Variants in CDH13 observed in about 807,000 individuals in gnomAD.
CDH13 encodes cadherin 13.
In CDH13, 24 loss-of-function variants were observed where a neutral mutation model predicts 63.8. That is an observed-to-expected ratio of 0.38 (90% CI 0.27 to 0.53). CDH13 has a LOEUF of 0.53. Among genes scored for constraint, CDH13 ranks in the 20% least tolerant of loss-of-function variants. The pLI, the probability that CDH13 is intolerant of heterozygous loss-of-function variation, is 0.85. For synonymous variants in CDH13, 503 were observed against 355.3 expected, an observed-to-expected ratio of 1.42 and a Z score of -4.67; for missense variants, 1,049 against 903.1, an observed-to-expected ratio of 1.16 and a Z score of -2.07.
At chr16:83,597,708 A>G (rs762534482) in intron 7 of CDH13, among the ~76,000 whole-genome samples, 11 of 152,260 alleles carry the variant, frequency 7.2e-5, no homozygotes, top group Non-Finnish European at 1.0e-4. Flanking sequence ...GTTTATCTAC[A>G]TAACAGTCTA....
intron 2 of CDH13, among the ~76,000 whole-genome samples, chr16:82,951,870 C>G (rs946812063): frequency 6.6e-6 from 1 of 152,152 alleles, no homozygotes; most frequent in East Asian, 1.9e-4. Flanking sequence ...ATTTCTTTCC[C>G]AGGAGCCACA....
intron 8 of CDH13, among the ~76,000 whole-genome samples, chr16:83,663,932 G>C (rs911974424): frequency 6.6e-6 from 1 of 151,858 alleles, no homozygotes; most frequent in African/African-American, 2.4e-5. Flanking sequence ...GGCCAAGGCA[G>C]GAAGATCACT....
intron 1 of CDH13, among the ~76,000 whole-genome samples, chr16:82,686,513 A>G (rs1026522303): frequency 1.3e-5 from 2 of 152,232 alleles, no homozygotes; most frequent in African/African-American, 2.4e-5. Flanking sequence ...AGTGCGATGC[A>G]TGGGTCACAG....
Position 83,459,085 on chromosome 16 carries a change from A to G in CDH13, c.782-27392A>G, listed in dbSNP as rs375674218. On this transcript the variant is annotated intron_variant, in intron 6 of 13. Transcript: ENST00000567109. ...AAGAACCAAGATGGCCAACAGCACA[A>G]TACCAACTTTTTGTTTGTTTGGTTT... is the stretch of plus-strand genomic sequence containing the variant. Among the ~76,000 whole-genome samples, 4 of 152,256 alleles carry G rather than the reference A, an allele frequency of 2.6e-5. No individual in the cohort carries two copies. In the East Asian group the frequency reaches 5.8e-4, roughly 22 times the overall value.
intron 3 of CDH13, among the ~76,000 whole-genome samples, chr16:83,038,290 T>C (rs1917041515): frequency 1.3e-5 from 2 of 152,182 alleles, no homozygotes; most frequent in Non-Finnish European, 1.5e-5. Flanking sequence ...GCAAAACATA[T>C]ACCCCAAATC....
chr16:83,724,321 TG>T (rs1910101708), intron 10 of CDH13, among the ~76,000 whole-genome samples: 1 of 150,296 alleles, frequency 6.7e-6, no homozygotes, highest in African/African-American at 2.5e-5. Flanking sequence ...GATGAATGAA[TG>T]GATGAGTGTG....
At chr16:82,634,862 A>G (rs924373667) in intron 1 of CDH13, among the ~76,000 whole-genome samples, 2 of 152,174 alleles carry the variant, frequency 1.3e-5, no homozygotes, top group African/African-American at 4.8e-5. Flanking sequence ...CCTGAGACCA[A>G]ATGGTTCCAA....
intron 2 of CDH13, among the ~76,000 whole-genome samples, chr16:82,983,340 C>T (rs1341166069): frequency 6.6e-6 from 1 of 152,092 alleles, no homozygotes; most frequent in African/African-American, 2.4e-5. Flanking sequence ...TTTTTCTCAC[C>T]CGGCTGTTTC....
chr16:83,252,063 AATAT>A (rs1398529373), intron 5 of CDH13, among the ~76,000 whole-genome samples: 1 of 144,168 alleles, frequency 6.9e-6, no homozygotes, highest in Non-Finnish European at 1.5e-5. Flanking sequence ...TTTTTAAATA[AATAT>A]ATATATATAG....
chr16:83,463,379 C>T (rs548545024), intron 6 of CDH13, among the ~76,000 whole-genome samples: 79 of 152,300 alleles, frequency 5.2e-4, no homozygotes, highest in African/African-American at 1.7e-3. Flanking sequence ...GCTGGGGGCT[C>T]GGCTCCATGT....
In CDH13 at chr16:82,832,247, A is replaced by ATTTTC. The variant is rs61612946; in HGVS notation, c.46-26115_46-26114insTTTTC. Among the ~76,000 whole-genome samples the ATTTTC allele has an allele frequency of 4.9e-3, 749 of 152,130 alleles. 2 individuals are homozygous for ATTTTC. Among genetic ancestry groups the ATTTTC allele is most frequent in the Non-Finnish European group, 8.5e-3 (581 of 67,984 alleles). ...GTGAAATCTCATTAAACCACTGTTT[A>ATTTTC]ATACTTTATAAATGGCAGAATATTA... is the stretch of plus-strand genomic sequence containing the variant. On this transcript the variant is annotated intron_variant, in intron 1 of 13. Coordinates refer to ENST00000567109, the MANE Select transcript of CDH13 (RefSeq NM_001257.5).
At chr16:83,439,986 G>C (rs963152870) in intron 6 of CDH13, among the ~76,000 whole-genome samples, 2 of 152,216 alleles carry the variant, frequency 1.3e-5, no homozygotes, top group Non-Finnish European at 2.9e-5. Context: ...TCAAAGGAGA[G>C]AGTAGGGCTG....
chr16:83,367,839 G>T (rs1207126221), intron 6 of CDH13, among the ~76,000 whole-genome samples: 1 of 152,168 alleles, frequency 6.6e-6, no homozygotes, highest in Non-Finnish European at 1.5e-5. Flanking sequence ...AATTTTGAAA[G>T]GCACTGTTTT....
rs537270381 is a variant in CDH13, at chr16:82,658,056, G to A, written c.45+30919G>A. Reference sequence around the variant, plus strand: ...TGATGTTAGTTGTAGGCTTTTTGTAGTTGTTCTTTATTAAGTTGAAGAAGT... The same window carrying A: ...TGATGTTAGTTGTAGGCTTTTTGTAATTGTTCTTTATTAAGTTGAAGAAGT... On this transcript the variant is annotated intron_variant, in intron 1 of 13. Transcript: ENST00000567109. Among the ~76,000 whole-genome samples, 44 of 152,252 alleles carry A rather than the reference G, an allele frequency of 2.9e-4. 2 individuals carry two copies. The South Asian group carries it at 7.7e-3, about 27-fold the overall frequency.
At chr16:83,266,372 T>C in intron 5 of CDH13, among the ~76,000 whole-genome samples, 1 of 152,338 alleles carries the variant, frequency 6.6e-6, no homozygotes, top group Middle Eastern at 3.4e-3. Flanking sequence ...CCACTTTAAT[T>C]TTTATGAATT....
intron 3 of CDH13, among the ~76,000 whole-genome samples, chr16:83,067,969 A>G (rs74479056): frequency 0.024 from 3,685 of 152,202 alleles, 147 homozygotes; most frequent in African/African-American, 0.082. Flanking sequence ...CTTCACCCTC[A>G]TTCTCAACTC....
intron 5 of CDH13, among the ~76,000 whole-genome samples, chr16:83,255,437 G>T (rs902988770): frequency 6.6e-6 from 1 of 152,130 alleles, no homozygotes; most frequent in Admixed American, 6.5e-5. Context: ...CTTAAATGCT[G>T]GAAAATGTCT....
chr16:83,320,614 A>T (rs1415249830), intron 5 of CDH13, among the ~76,000 whole-genome samples: 1 of 152,226 alleles, frequency 6.6e-6, no homozygotes, highest in Non-Finnish European at 1.5e-5. Context: ...CTACAAGAAC[A>T]GATTTTTCCC....
chr16:83,088,101 A>T (rs2033703624), intron 3 of CDH13, among the ~76,000 whole-genome samples: 1 of 152,222 alleles, frequency 6.6e-6, no homozygotes, highest in Non-Finnish European at 1.5e-5. Context: ...TAGAATATTT[A>T]GAAAGTACCT....
Sources: gnomAD v4.1 joint callset for allele counts (sites outside exome capture counted in the v4.1 genomes callset) on GRCh38, gnomAD v4.1.1 for gene constraint, MANE v1.5 for transcripts, NCBI Gene and HGNC (gene_info 2026-07-23, HGNC 2026-07-21) for gene names.